The following BRD8 variants were observed in gnomAD, a reference collection of about 807,000 sequenced individuals.
BRD8 encodes the protein bromodomain containing 8, also known as bromodomain-containing protein 8.
Under a neutral mutation model 143.1 loss-of-function variants are expected in BRD8, and 67 were observed. The ratio of observed to expected loss-of-function variants is 0.47; its 90% CI spans 0.38 to 0.57. BRD8 has a LOEUF of 0.57. Among genes scored for constraint, BRD8 ranks in the 20% least tolerant of loss-of-function variants. The pLI is 0.00. For synonymous variants in BRD8, 505 were observed against 517.1 expected (o/e 0.98, Z 0.32); for missense variants, 1,103 against 1,503.0 (o/e 0.73, Z 4.40).
chr5:138,159,957 A>AT, intron 19 of BRD8, 112 bp downstream of exon 19: 1 of 758,500 alleles, frequency 1.3e-6, no homozygotes, highest in Admixed American at 2.1e-5. Context: ...ATGTGTCTGT[A>AT]TATCATTGGA....
At chr5:138,173,900 A>G (rs1330181555) in intron 2 of BRD8, among the ~76,000 whole-genome samples, 1 of 152,198 alleles carries the variant, frequency 6.6e-6, no homozygotes, top group East Asian at 1.9e-4. Flanking sequence ...CTGGTCTCCA[A>G]TTCATGATCT....
At chr5:138,160,025 A>G (rs765602673) in intron 19 of BRD8, 44 bp downstream of exon 19, 8 of 1,476,054 alleles carry the variant, frequency 5.4e-6, no homozygotes, top group East Asian at 2.3e-5. Context: ...TCAGACTTCT[A>G]CTACTGGAAC....
At chr5:138,168,593 C>T in intron 8 of BRD8, 1 of 1,607,284 alleles carries the variant, frequency 6.2e-7, no homozygotes, top group Non-Finnish European at 8.5e-7. Context: ...TTACTGGGGT[C>T]ATGGGGGCTT....
At chr5:138,156,079 C>T (rs762230988) in intron 20 of BRD8, among the ~76,000 whole-genome samples, 6 of 151,172 alleles carry the variant, frequency 4.0e-5, no homozygotes, top group Non-Finnish European at 7.4e-5. Flanking sequence ...CTTTGTTGTC[C>T]AGGCTGGTCT....
intron 8 of BRD8, chr5:138,168,750 T>TACAGATTA: frequency 1.2e-6 from 1 of 848,308 alleles, no homozygotes; most frequent in Non-Finnish European, 2.0e-6. Flanking sequence ...CCTACTAATC[T>TACAGATTA]GTATGGGTTA....
intron 2 of BRD8, among the ~76,000 whole-genome samples, chr5:138,172,567 C>A (rs1162780709): frequency 1.7e-5 from 2 of 117,696 alleles, no homozygotes; most frequent in Non-Finnish European, 3.3e-5. Flanking sequence ...GCGAGGTGTG[C>A]AATGGACCGT....
Position 138,166,017 on chromosome 5 carries a change from G to C in BRD8, c.1089C>G (p.Ile363Met), listed in dbSNP as rs1206929961. The C allele has an allele frequency of 2.5e-6, 4 of 1,614,056 alleles. No individual in the cohort carries two copies. The South Asian group carries it at 4.4e-5, about 18-fold the overall frequency. The change falls in exon 11 of 27, where the codon ATC becomes ATG. Residue 363 changes from isoleucine to methionine, a missense_variant. Around this residue, in one of 7 missense-constraint regions of BRD8, gnomAD observed 334 missense variants for 372.5 expected, o/e 0.90. Coordinates refer to ENST00000254900, the MANE Select transcript of BRD8 (RefSeq NM_139199.2). ...VSMDSSEISM[I>M]INSIKEECFR... is the part of the protein sequence containing the mutation. ...AACACTCTTCTTTGATAGAATTGAT[G>C]ATCATGGATATTTCACTGCTGTCCA...
chr5:138,150,348 T>G (rs1752331609), intron 22 of BRD8, among the ~76,000 whole-genome samples: 1 of 152,134 alleles, frequency 6.6e-6, no homozygotes, highest in South Asian at 2.1e-4. Flanking sequence ...GCTCAAGAGA[T>G]CCTACTGCCT....
chr5:138,150,583 T>C (rs944372352), intron 22 of BRD8, among the ~76,000 whole-genome samples, 162 bp downstream of exon 22: 9 of 152,336 alleles, frequency 5.9e-5, no homozygotes, highest in South Asian at 4.1e-4. Flanking sequence ...TCTAAAATGT[T>C]CACTAACATG....
At position 138,164,879 on chromosome 5, in the gene BRD8, G is replaced by T; in HGVS notation, c.1566C>A (p.Ala522=). The T allele has an allele frequency of 1.2e-6, 2 of 1,614,062 alleles. No individual in the cohort carries two copies. Among genetic ancestry groups the T allele is most frequent in the Non-Finnish European group, 1.7e-6 (2 of 1,180,016 alleles). Residue 522 remains alanine (A), a synonymous_variant, in exon 12 of 27, where the codon GCC becomes GCA. Coordinates refer to ENST00000254900, the MANE Select transcript of BRD8 (RefSeq NM_139199.2). ...PAEPEPVISG[A]EIVAGVVPAT... ...CTGGAACAACTCCAGCTACTATTTC[G>T]GCTCCTGAAATGACTGGCTCTGGTT...
At chr5:138,171,649 C>T (rs1231039395) in intron 3 of BRD8, among the ~76,000 whole-genome samples, 5 of 152,184 alleles carry the variant, frequency 3.3e-5, no homozygotes, top group Non-Finnish European at 2.9e-5. Flanking sequence ...GGCAACCTAA[C>T]TGCCAATATT....
At chr5:138,161,674 T>C (rs1395956813) in intron 17 of BRD8, 122 bp downstream of exon 17, 17 of 878,232 alleles carry the variant, frequency 1.9e-5, no homozygotes, top group Non-Finnish European at 3.0e-5. Context: ...TAGCACTCAG[T>C]GCCCCTTATA....
intron 15 of BRD8, 134 bp from the exon 16 acceptor site, chr5:138,162,280 C>T: frequency 3.1e-6 from 2 of 651,246 alleles, no homozygotes; most frequent in Non-Finnish European, 5.2e-6. Context: ...TTCATTGCAC[C>T]CTCAACCTCC....
At chr5:138,169,494 A>C in intron 7 of BRD8, 136 bp from the exon 8 acceptor site, 1 of 1,015,618 alleles carries the variant, frequency 9.8e-7, no homozygotes, top group Non-Finnish European at 1.4e-6. Context: ...TGGATTAGAA[A>C]GCTTTAACAC....
intron 2 of BRD8, among the ~76,000 whole-genome samples, chr5:138,172,375 T>G (rs986855891): frequency 6.7e-6 from 1 of 149,828 alleles, no homozygotes; most frequent in African/African-American, 2.5e-5. Flanking sequence ...ATACAAAAAT[T>G]AGTTGGGCAT....
At position 138,140,843 on chromosome 5, in the gene BRD8, C is replaced by G; in HGVS notation, c.3477G>C (p.Lys1159Asn). Residue 1159 changes from lysine (K) to asparagine (N), a missense_variant, in exon 26 of 27, where the codon AAG (lysine) becomes AAC (asparagine). Around this residue, in one of 7 missense-constraint regions of BRD8, gnomAD observed 369 missense variants for 445.5 expected, o/e 0.83. Coordinates refer to ENST00000254900, the MANE Select transcript of BRD8 (RefSeq NM_139199.2). Reference protein sequence around the residue: ...DLTSLKRNLSKGRIRTMAQFL... With the variant: ...DLTSLKRNLSNGRIRTMAQFL... ...ATTGGGCCATGGTGCGAATCCGACC[C>G]TTAGAGAGATTTCTCTTCAGGCTAG... 1 of 1,614,170 alleles carries G rather than the reference C, an allele frequency of 6.2e-7. No homozygotes were observed. Among genetic ancestry groups the G allele is most frequent in the Non-Finnish European group, 8.5e-7 (1 of 1,180,044 alleles).
rs1753914833 is a variant in BRD8, at chr5:138,172,151, G to A, written c.117-17C>T. ...ACTGATACCCTACAAAATGAGGAAA[G>A]CTTTATTACACACCAAGCAGAAAAC... On this transcript the variant is annotated splice_polypyrimidine_tract_variant and intron_variant, in intron 2 of 26. Transcript: ENST00000254900. 6.2e-7 allele frequency: 1 copy of A among 1,603,716 alleles called. No homozygotes were observed. The highest frequency in any genetic ancestry group is 1.3e-5 in the African/African-American group (1 of 74,398).
intron 17 of BRD8, 129 bp downstream of exon 17, chr5:138,161,667 C>T (rs1753009059): frequency 2.5e-6 from 2 of 803,890 alleles, no homozygotes; most frequent in African/African-American, 3.5e-5. Flanking sequence ...ATCAGTTTAG[C>T]ACTCAGTGCC....
intron 2 of BRD8, among the ~76,000 whole-genome samples, chr5:138,175,095 A>T (rs1754211351): frequency 6.6e-6 from 1 of 152,090 alleles, no homozygotes; most frequent in African/African-American, 2.4e-5. Flanking sequence ...CGTGTTAGCC[A>T]GGATGGTCTC....
Sources: gnomAD v4.1 joint callset for allele counts (sites outside exome capture counted in the v4.1 genomes callset) on GRCh38, gnomAD v4.1.1 for gene constraint, gnomAD v4.1.1 regional missense constraint, MANE v1.5 for transcripts, NCBI Gene and HGNC (gene_info 2026-07-23, HGNC 2026-07-21) for gene names.